Variants in PKD2L1 observed in about 807,000 individuals in gnomAD.
PKD2L1 encodes polycystin-2-like protein 1.
A neutral mutation model predicts 93.0 loss-of-function variants in PKD2L1; 77 were observed. The ratio of observed to expected loss-of-function variants is 0.83; its 90% CI spans 0.69 to 1.00. The LOEUF (loss-of-function observed/expected upper bound fraction) is 1.00. PKD2L1 is among the 50% of genes least tolerant of loss of function. The probability of loss-of-function intolerance (pLI) is 0.00; values close to 1 mark genes in which losing one functional copy is unlikely to be tolerated. For missense variants in PKD2L1, 977 were observed against 990.9 expected (o/e 0.99, Z 0.19); for synonymous variants, 390 against 388.0 (o/e 1.01, Z -0.06).
chr10:100,291,162 G>T, intron 12 of PKD2L1, 139 bp downstream of exon 12: 1 of 867,766 alleles, frequency 1.2e-6, no homozygotes, highest in Non-Finnish European at 1.8e-6. Flanking sequence ...ATGTGCAGCA[G>T]TTTGGGAACT....
intron 2 of PKD2L1, among the ~76,000 whole-genome samples, chr10:100,314,582 C>T (rs1263535454): frequency 6.6e-6 from 1 of 152,156 alleles, no homozygotes. Context: ...TGCCATTAGC[C>T]ATCAGCACTT....
At chr10:100,322,897 G>A (rs940006314) in intron 2 of PKD2L1, among the ~76,000 whole-genome samples, 1 of 152,242 alleles carries the variant, frequency 6.6e-6, no homozygotes, top group Non-Finnish European at 1.5e-5. Flanking sequence ...TTGCTTGCAT[G>A]AGTGGCCTTG....
At chr10:100,315,391 G>A (rs114337361) in intron 2 of PKD2L1, among the ~76,000 whole-genome samples, 2 of 151,910 alleles carry the variant, frequency 1.3e-5, no homozygotes, top group Non-Finnish European at 1.5e-5. Flanking sequence ...AGACCTGCAC[G>A]CATTAGATAT....
intron 2 of PKD2L1, among the ~76,000 whole-genome samples, chr10:100,310,706 C>T (rs1215101244): frequency 6.6e-6 from 1 of 151,926 alleles, no homozygotes; most frequent in African/African-American, 2.4e-5. Context: ...AAAGTAGCTC[C>T]AATTTTTATT....
chr10:100,303,663 CATT>C (rs1287157373), intron 2 of PKD2L1, among the ~76,000 whole-genome samples: 2 of 152,130 alleles, frequency 1.3e-5, no homozygotes, highest in African/African-American at 4.8e-5. Flanking sequence ...AAGAAGGAAA[CATT>C]ATTATTCACA....
chr10:100,325,943 G>T (rs1439107248), intron 2 of PKD2L1, among the ~76,000 whole-genome samples: 1 of 152,132 alleles, frequency 6.6e-6, no homozygotes, highest in Non-Finnish European at 1.5e-5. Flanking sequence ...GCTGATAATT[G>T]GGGAAGCGCC....
chr10:100,289,164 G>A (rs1057330655), intron 14 of PKD2L1, 108 bp from the exon 15 acceptor site: 9 of 701,142 alleles, frequency 1.3e-5, no homozygotes, highest in Non-Finnish European at 2.1e-5. Flanking sequence ...GACTGTTTGC[G>A]TCCCTCCCAA....
chr10:100,321,351 T>C (rs766324801), intron 2 of PKD2L1, among the ~76,000 whole-genome samples: 2 of 151,750 alleles, frequency 1.3e-5, no homozygotes, highest in Non-Finnish European at 2.9e-5. Flanking sequence ...TCCCAGCTAC[T>C]TGGGAGGCTG....
intron 2 of PKD2L1, among the ~76,000 whole-genome samples, chr10:100,317,523 G>C (rs1178431299): frequency 1.3e-5 from 2 of 152,120 alleles, no homozygotes; most frequent in Non-Finnish European, 2.9e-5. Context: ...CAGTGACAGG[G>C]TGAGACCCTA....
At chr10:100,329,158 C>T (rs1849444512) in intron 2 of PKD2L1, 53 bp downstream of exon 2, 3 of 1,559,942 alleles carry the variant, frequency 1.9e-6, no homozygotes, top group Admixed American at 3.3e-5. Flanking sequence ...ACATATAGTG[C>T]ACACATAGAT....
chr10:100,288,941 G>C (rs764290857), intron 15 of PKD2L1, 31 bp downstream of exon 15: 1 of 1,442,280 alleles, frequency 6.9e-7, no homozygotes, highest in Admixed American at 2.0e-5. Context: ...AGGGAAGCCT[G>C]CTGTCTGATG....
At chr10:100,322,647 A>G (rs1348094219) in intron 2 of PKD2L1, among the ~76,000 whole-genome samples, 4 of 152,362 alleles carry the variant, frequency 2.6e-5, no homozygotes, top group Middle Eastern at 3.4e-3. Context: ...TAATGTTTTT[A>G]TATCATCTTT....
rs74232663 is a variant in PKD2L1 at position 100,304,976 on chromosome 10, T to C, written c.350-5258A>G. Among the ~76,000 whole-genome samples, 520 of 152,284 alleles carry C rather than the reference T, an allele frequency of 3.4e-3. 27 individuals carry two copies. In the East Asian group the frequency reaches 0.091, roughly 27 times the overall value. Reference sequence around the variant, plus strand: ...CTGTAAAACTGGGAATATAATACCTTTTAGGCAACTCAATAAGTAGTTGAG... The same window carrying C: ...CTGTAAAACTGGGAATATAATACCTCTTAGGCAACTCAATAAGTAGTTGAG... On this transcript the variant is annotated intron_variant, in intron 2 of 15. Coordinates refer to ENST00000318222, the MANE Select transcript of PKD2L1 (RefSeq NM_016112.3).
At chr10:100,314,762 C>T (rs1056606650) in intron 2 of PKD2L1, among the ~76,000 whole-genome samples, 1 of 151,588 alleles carries the variant, frequency 6.6e-6, no homozygotes, top group Non-Finnish European at 1.5e-5. Flanking sequence ...GGGCCGGGTG[C>T]GCTGGCTAGC....
chr10:100,319,830 G>A (rs1179720704), intron 2 of PKD2L1, among the ~76,000 whole-genome samples: 1 of 152,140 alleles, frequency 6.6e-6, no homozygotes, highest in Non-Finnish European at 1.5e-5. Flanking sequence ...TCCTATACAG[G>A]GCTAGTCCCA....
intron 2 of PKD2L1, among the ~76,000 whole-genome samples, chr10:100,305,333 C>G (rs1430966103): frequency 2.0e-5 from 3 of 151,990 alleles, no homozygotes; most frequent in African/African-American, 7.3e-5. Flanking sequence ...AGGCTGGTCT[C>G]GAACTCCTGA....
chr10:100,313,111 C>G (rs1848970373), intron 2 of PKD2L1, among the ~76,000 whole-genome samples: 2 of 152,124 alleles, frequency 1.3e-5, no homozygotes, highest in Admixed American at 1.3e-4. Flanking sequence ...TAGAAGGTTA[C>G]AGAGGAAGAG....
chr10:100,293,383 GA>G lies in PKD2L1; in HGVS notation c.1660-5del. The G allele has an allele frequency of 6.3e-7, 1 of 1,599,400 alleles. No homozygotes were observed. Among genetic ancestry groups the G allele is most frequent in the Non-Finnish European group, 8.6e-7 (1 of 1,166,574 alleles). The stretch of plus-strand genomic sequence containing the variant: ...TGATGATGGCCAGGAACATGTTCTG[GA>G]AAATGAAGTGGGGACCTGGGTCCTC... On this transcript the variant is annotated splice_region_variant and splice_polypyrimidine_tract_variant and intron_variant, in intron 9 of 15. Transcript: ENST00000318222.
intron 14 of PKD2L1, 27 bp from the exon 15 acceptor site, chr10:100,289,083 A>AT: frequency 6.6e-7 from 1 of 1,524,754 alleles, no homozygotes; most frequent in Admixed American, 1.7e-5. Flanking sequence ...GGGACAAATC[A>AT]TTTGAAGAAA....
Sources: gnomAD v4.1 joint callset for allele counts (sites outside exome capture counted in the v4.1 genomes callset) on GRCh38, gnomAD v4.1.1 for gene constraint, MANE v1.5 for transcripts, NCBI Gene and HGNC (gene_info 2026-07-23, HGNC 2026-07-21) for gene names.